The following FAM111B variants were observed in gnomAD, a reference collection of about 807,000 sequenced individuals.
The protein encoded by FAM111B is FAM111 trypsin like peptidase B.
Under a neutral mutation model 2.8 loss-of-function variants are expected in FAM111B, and 1 was observed. The observed-to-expected ratio is 0.36, with a 90% confidence interval of 0.13 to 1.70. The LOEUF (loss-of-function observed/expected upper bound fraction) is 1.70. FAM111B is among the 40% of genes most tolerant of loss of function. FAM111B has a pLI of 0.35. For missense variants in FAM111B, 882 were observed against 878.9 expected (o/e 1.00, Z -0.04); for synonymous variants, 297 against 295.6 (o/e 1.00, Z -0.05).
intron 3 of FAM111B, among the ~76,000 whole-genome samples, chr11:59,113,867 A>G (rs554358293): frequency 4.6e-5 from 7 of 152,212 alleles, no homozygotes; most frequent in Admixed American, 3.3e-4. Context: ...GAGGGGAGGC[A>G]TTTGTTCAGA....
chr11:59,108,610 T>G (rs1859704661), intron 1 of FAM111B, 58 bp from the exon 2 acceptor site: 1 of 152,846 alleles, frequency 6.5e-6, no homozygotes, highest in Non-Finnish European at 1.5e-5. Context: ...TCCAGTTCCT[T>G]GCAAACCATT....
intron 3 of FAM111B, among the ~76,000 whole-genome samples, chr11:59,111,797 G>A (rs771509630): frequency 1.4e-4 from 21 of 152,004 alleles, no homozygotes; most frequent in Non-Finnish European, 1.9e-4. Flanking sequence ...CAAACTGTTC[G>A]TCTAGAAAAT....
chr11:59,108,311 C>T (rs1859698488), intron 1 of FAM111B, among the ~76,000 whole-genome samples: 1 of 152,156 alleles, frequency 6.6e-6, no homozygotes, highest in Non-Finnish European at 1.5e-5. Flanking sequence ...TCTTTCCTGG[C>T]CTTGGAAAGT....
rs1415469057 is a variant in FAM111B, at chr11:59,125,618, T to C, written c.1521T>C (p.Asp507=). ...GKNTHPSLWP[D]IISKCAKVTF... ...ACACACATCCAAGTTTGTGGCCAGA[T>C]ATAATTAGCAAATGTGCGAAGGTAA... The change falls in exon 4 of 4, where the codon GAT becomes GAC. Residue 507 remains aspartate (D), a synonymous_variant. Coordinates refer to ENST00000343597, the MANE Select transcript of FAM111B (RefSeq NM_198947.4). 2.5e-6 allele frequency: 4 copies of C among 1,613,860 alleles called. No homozygotes were observed. The African/African-American group carries it at 5.3e-5, about 22-fold the overall frequency.
At chr11:59,117,200 A>T (rs1394303884) in intron 3 of FAM111B, among the ~76,000 whole-genome samples, 1 of 152,264 alleles carries the variant, frequency 6.6e-6, no homozygotes, top group East Asian at 1.9e-4. Context: ...AAAACCCACC[A>T]TCACTACCAC....
Position 59,124,493 on chromosome 11 carries a change from T to A in FAM111B, c.396T>A (p.Tyr132Ter), listed in dbSNP as rs1414891653. ...KNQFNKNIIV[Y>*]EEKTIDGHIN... ...AGTTTAATAAGAACATTATTGTTTA[T>A]GAAGAAAAGACAATAGATGGACATA... is the stretch of plus-strand genomic sequence containing the variant. Residue 132 changes from tyrosine to a stop codon, truncating the protein, a stop_gained, in exon 4 of 4, where the codon TAT becomes TAA. Coordinates refer to ENST00000343597, the MANE Select transcript of FAM111B (RefSeq NM_198947.4). LOFTEE classifies it low-confidence loss of function (END_TRUNC). 4 of 1,613,494 alleles carry A rather than the reference T, an allele frequency of 2.5e-6. No homozygotes were observed. The highest frequency in any genetic ancestry group is 3.3e-5 in the Admixed American group (2 of 59,974).
chr11:59,112,983 G>A (rs2135396929), intron 3 of FAM111B, among the ~76,000 whole-genome samples: 1 of 152,232 alleles, frequency 6.6e-6, no homozygotes, highest in African/African-American at 2.4e-5. Context: ...TTTCGGGAGG[G>A]AAAAGTTTTC....
intron 3 of FAM111B, among the ~76,000 whole-genome samples, chr11:59,121,532 T>C (rs1375171245): frequency 6.6e-6 from 1 of 152,222 alleles, no homozygotes. Context: ...TGTTAAATAA[T>C]ATGGCAATAT....
intron 1 of FAM111B, among the ~76,000 whole-genome samples, chr11:59,107,926 C>T (rs1458330170): frequency 5.3e-5 from 8 of 152,194 alleles, no homozygotes; most frequent in Admixed American, 4.6e-4. Flanking sequence ...CATCCAGTCT[C>T]TGTTTCTGTA....
intron 3 of FAM111B, among the ~76,000 whole-genome samples, chr11:59,120,323 T>C (rs912817704): frequency 5.9e-5 from 9 of 152,216 alleles, no homozygotes; most frequent in Admixed American, 5.9e-4. Flanking sequence ...TATTAGTTTG[T>C]GCTATGGTGT....
At chr11:59,121,578 C>T (rs908043860) in intron 3 of FAM111B, among the ~76,000 whole-genome samples, 1 of 152,130 alleles carries the variant, frequency 6.6e-6, no homozygotes, top group Non-Finnish European at 1.5e-5. Context: ...TTTTCTTTTT[C>T]TCATTGCTCT....
At chr11:59,119,278 T>C (rs1859885310) in intron 3 of FAM111B, among the ~76,000 whole-genome samples, 3 of 152,218 alleles carry the variant, frequency 2.0e-5, no homozygotes, top group Admixed American at 2.0e-4. Flanking sequence ...TTCCTTTTCC[T>C]CAACTCAGCT....
Position 59,126,401 on chromosome 11 carries a change from A to G in FAM111B, c.*99A>G, listed in dbSNP as rs1035073279. 5 of 938,206 alleles carry G rather than the reference A, an allele frequency of 5.3e-6. No homozygotes were observed. Among genetic ancestry groups the G allele is most frequent in the Non-Finnish European group, 7.7e-6 (5 of 645,594 alleles). 58.1% of individuals were successfully genotyped at this position (938,206 alleles called of 1,614,324 possible). A position where few individuals can be genotyped will look rare whatever the true frequency, so the allele number is the denominator to read the frequency against. On this transcript the variant is annotated 3_prime_UTR_variant, in exon 4 of 4. Coordinates refer to ENST00000343597, the MANE Select transcript of FAM111B (RefSeq NM_198947.4). ...AATTGCAACAAAAGTGAAAATTGGCAAATGAGACCTAATTAAATCTTCTGC... is the reference window on the plus strand; with the variant it reads ...AATTGCAACAAAAGTGAAAATTGGCGAATGAGACCTAATTAAATCTTCTGC...
chr11:59,107,837 G>GCAA (rs1859689033), intron 1 of FAM111B, among the ~76,000 whole-genome samples: 1 of 152,192 alleles, frequency 6.6e-6, no homozygotes, highest in South Asian at 2.1e-4. Context: ...CACAGATTGA[G>GCAA]GTATGGTAAT....
At chr11:59,119,212 T>C (rs1456714488) in intron 3 of FAM111B, among the ~76,000 whole-genome samples, 1 of 152,208 alleles carries the variant, frequency 6.6e-6, no homozygotes, top group Admixed American at 6.5e-5. Flanking sequence ...GGACCCTCTC[T>C]GTACAGTCCT....
intron 3 of FAM111B, among the ~76,000 whole-genome samples, chr11:59,116,397 A>T (rs1300371170): frequency 6.6e-6 from 1 of 152,180 alleles, no homozygotes. Flanking sequence ...CCAATAATTT[A>T]TTCTAATTTT....
intron 3 of FAM111B, among the ~76,000 whole-genome samples, chr11:59,116,813 T>C (rs1227765569): frequency 6.6e-6 from 1 of 152,176 alleles, no homozygotes; most frequent in East Asian, 1.9e-4. Context: ...CCCCAGGTGA[T>C]TCTGATGCAG....
At chr11:59,121,646 ATTCCAC>A (rs1346649204) in intron 3 of FAM111B, among the ~76,000 whole-genome samples, 1 of 152,192 alleles carries the variant, frequency 6.6e-6, no homozygotes, top group East Asian at 1.9e-4. Context: ...AAGTTGAGCA[ATTCCAC>A]TTCTAAGTCT....
chr11:59,118,850 T>G (rs1284269377), intron 3 of FAM111B, among the ~76,000 whole-genome samples: 1 of 152,260 alleles, frequency 6.6e-6, no homozygotes, highest in Non-Finnish European at 1.5e-5. Flanking sequence ...ATTGGCTTAT[T>G]ACAGTGATAT....
Sources: gnomAD v4.1 joint callset for allele counts (sites outside exome capture counted in the v4.1 genomes callset) on GRCh38, gnomAD v4.1.1 for gene constraint, MANE v1.5 for transcripts, NCBI Gene and HGNC (gene_info 2026-07-23, HGNC 2026-07-21) for gene names.